The following RGS17 variants were observed in gnomAD, a reference collection of about 807,000 sequenced individuals.
The protein encoded by RGS17 is regulator of G protein signaling 17.
A neutral mutation model predicts 25.5 loss-of-function variants in RGS17; 12 were observed. That is an observed-to-expected ratio of 0.47 (90% CI 0.30 to 0.76). The LOEUF (loss-of-function observed/expected upper bound fraction) is 0.76. Among genes scored for constraint, RGS17 ranks in the 30% least tolerant of loss-of-function variants. RGS17 has a pLI of 0.07. For synonymous variants in RGS17, 71 were observed against 76.9 expected (o/e 0.92, Z 0.40); for missense variants, 196 against 242.2 (o/e 0.81, Z 1.27).
chr6:153,130,277 C>G lies in RGS17; in HGVS notation c.-26+847G>C, dbSNP rs370940271. On this transcript the variant is annotated intron_variant, in intron 1 of 4. Coordinates refer to ENST00000206262, the MANE Select transcript of RGS17 (RefSeq NM_012419.5). This position sits in a 1 kb window ranked among gnomAD's most constrained non-coding sequence, Gnocchi z 6.4. ...GATTAAACTATGATTCCATCGATCACGGAAAGACCACCATCACCTACAGCA... is the reference window on the plus strand; with the variant it reads ...GATTAAACTATGATTCCATCGATCAGGGAAAGACCACCATCACCTACAGCA... Among the ~76,000 whole-genome samples, 48 of 152,274 alleles carry G rather than the reference C, an allele frequency of 3.2e-4. 7 individuals are homozygous for G. The highest frequency in any genetic ancestry group is 2.1e-3 in the Admixed American group (32 of 15,306).
chr6:153,068,256 C>A (rs1250249685), intron 1 of RGS17, among the ~76,000 whole-genome samples: 1 of 151,574 alleles, frequency 6.6e-6, no homozygotes, highest in Non-Finnish European at 1.5e-5. Context: ...ACCAGCCTGA[C>A]AAACATGGTG....
chr6:153,096,660 T>G (rs1228750478), intron 1 of RGS17, among the ~76,000 whole-genome samples: 1 of 152,216 alleles, frequency 6.6e-6, no homozygotes, highest in Non-Finnish European at 1.5e-5. Context: ...CATTAAAATG[T>G]AAAATGTATG....
At chr6:153,089,371 A>G (rs1455286058) in intron 1 of RGS17, among the ~76,000 whole-genome samples, 1 of 152,100 alleles carries the variant, frequency 6.6e-6, no homozygotes, top group African/African-American at 2.4e-5. Flanking sequence ...TTCATCTAGA[A>G]ATAGAAATAA....
At chr6:153,095,635 T>C (rs1017058186) in intron 1 of RGS17, among the ~76,000 whole-genome samples, 1 of 152,168 alleles carries the variant, frequency 6.6e-6, no homozygotes. Flanking sequence ...AAAGGAAAGA[T>C]ATCAAACTGG....
At chr6:153,062,795 C>T (rs578184604) in intron 1 of RGS17, among the ~76,000 whole-genome samples, 4 of 152,186 alleles carry the variant, frequency 2.6e-5, no homozygotes, top group African/African-American at 9.6e-5. Flanking sequence ...ATCTTGGATA[C>T]CAGCTCAGCC....
At chr6:153,065,616 A>G (rs1776696465) in intron 1 of RGS17, among the ~76,000 whole-genome samples, 1 of 152,202 alleles carries the variant, frequency 6.6e-6, no homozygotes, top group African/African-American at 2.4e-5. Flanking sequence ...CTAGAAATCA[A>G]TAACAAGAGG....
At chr6:153,016,573 A>C (rs750314693) in intron 4 of RGS17, among the ~76,000 whole-genome samples, 5 of 152,200 alleles carry the variant, frequency 3.3e-5, no homozygotes, top group Admixed American at 6.5e-5. Flanking sequence ...TTATGTCCTC[A>C]TTGTTTAATT....
intron 1 of RGS17, among the ~76,000 whole-genome samples, chr6:153,098,955 G>A (rs769162743): frequency 6.6e-6 from 1 of 152,138 alleles, no homozygotes; most frequent in Non-Finnish European, 1.5e-5. Flanking sequence ...TGGGGTCAAT[G>A]TTAAGTGATC....
intron 1 of RGS17, among the ~76,000 whole-genome samples, chr6:153,089,246 T>C (rs574616263): frequency 4.9e-4 from 74 of 151,802 alleles, no homozygotes; most frequent in African/African-American, 1.6e-3. Flanking sequence ...TATATGTATA[T>C]ATATTTATTT....
At chr6:153,119,111 T>C (rs1459581978) in intron 1 of RGS17, among the ~76,000 whole-genome samples, 3 of 152,232 alleles carry the variant, frequency 2.0e-5, no homozygotes, top group South Asian at 2.1e-4. Flanking sequence ...TCACCTGCTC[T>C]CTGCTCTCTC....
At chr6:153,085,860 T>C (rs910713285) in intron 1 of RGS17, among the ~76,000 whole-genome samples, 1 of 152,198 alleles carries the variant, frequency 6.6e-6, no homozygotes, top group Admixed American at 6.5e-5. Context: ...GAGCTTACCA[T>C]GCAGATTTAA....
chr6:153,060,178 G>C lies in RGS17; in HGVS notation c.-25-16135C>G, dbSNP rs564674743. The stretch of plus-strand genomic sequence containing the variant: ...ACGGAGTGTCCTAGTGAAGCCCCAA[G>C]TGAGAGAAAAGATTAAGGGCTTGTT... On this transcript the variant is annotated intron_variant, in intron 1 of 4. Transcript: ENST00000206262. Among the ~76,000 whole-genome samples, 12 of 152,294 alleles carry C rather than the reference G, an allele frequency of 7.9e-5. No homozygotes were observed. In the South Asian group the frequency reaches 2.5e-3, roughly 32 times the overall value.
intron 1 of RGS17, among the ~76,000 whole-genome samples, chr6:153,054,061 TATATAC>T (rs1215098066): frequency 0.015 from 851 of 55,056 alleles, 134 homozygotes; most frequent in African/African-American, 0.059. Flanking sequence ...GTATATAATA[TATATAC>T]ATATATATAT....
chr6:153,053,983 ATG>A (rs764343274), intron 1 of RGS17, among the ~76,000 whole-genome samples: 1 of 38,814 alleles, frequency 2.6e-5, no homozygotes, highest in African/African-American at 1.4e-4. Flanking sequence ...ATATGTATAT[ATG>A]TATATAATAT....
intron 2 of RGS17, among the ~76,000 whole-genome samples, chr6:153,039,226 G>A (rs781220277): frequency 2.6e-5 from 4 of 152,128 alleles, no homozygotes; most frequent in Non-Finnish European, 4.4e-5. Flanking sequence ...GTTCCACCTC[G>A]ATCCCTAATG....
intron 1 of RGS17, among the ~76,000 whole-genome samples, chr6:153,060,741 T>G (rs1776623904): frequency 1.3e-5 from 2 of 151,954 alleles, no homozygotes; most frequent in African/African-American, 4.8e-5. Flanking sequence ...AAAATGTCGG[T>G]GCCTACTAAT....
At chr6:153,090,449 GAAAAAA>G (rs1215269696) in intron 1 of RGS17, among the ~76,000 whole-genome samples, 1 of 83,262 alleles carries the variant, frequency 1.2e-5, no homozygotes, top group Non-Finnish European at 2.5e-5. Flanking sequence ...CATCTCTACT[GAAAAAA>G]AAAAAAAAAA....
chr6:153,105,227 C>T (rs1005334566), intron 1 of RGS17, among the ~76,000 whole-genome samples: 11 of 152,246 alleles, frequency 7.2e-5, no homozygotes, highest in African/African-American at 2.6e-4. Context: ...TCTACTTCAT[C>T]GTCCAATTTA....
At chr6:153,062,044 A>G (rs893937011) in intron 1 of RGS17, among the ~76,000 whole-genome samples, 2 of 152,206 alleles carry the variant, frequency 1.3e-5, no homozygotes, top group Admixed American at 6.5e-5. Context: ...TGGAGAGTGA[A>G]TAAAGATGGC....
Sources: allele counts gnomAD v4.1 joint callset (sites outside exome capture counted in the v4.1 genomes callset), GRCh38; gene constraint gnomAD v4.1.1; non-coding constraint Gnocchi (gnomAD v3.1); transcripts MANE v1.5; gene names NCBI Gene and HGNC (gene_info 2026-07-23, HGNC 2026-07-21).